The following CAST variants were observed in gnomAD, a reference collection of about 807,000 sequenced individuals.
CAST encodes the protein MIR583 host.
A neutral mutation model predicts 119.6 loss-of-function variants in CAST; 76 were observed. The observed-to-expected ratio is 0.64, with a 90% confidence interval of 0.53 to 0.77. The LOEUF is 0.77. CAST is among the 30% of genes least tolerant of loss of function. The pLI is 0.00. For synonymous variants in CAST, 319 were observed against 331.6 expected, an observed-to-expected ratio of 0.96 and a Z score of 0.41; for missense variants, 953 against 946.5, an observed-to-expected ratio of 1.01 and a Z score of -0.09.
At chr5:96,769,491 GGTTTACAACATGGTA>G (rs1771439778) in intron 29 of CAST, 1 of 151,074 alleles carries the variant, frequency 6.6e-6, no homozygotes, top group Non-Finnish European at 1.5e-5. Flanking sequence ...GTATATTTGA[GGTTTACAACATGGTA>G]GTTTGGGATG....
chr5:96,503,761 G>T, the CAST span, among the ~76,000 whole-genome samples: 12 of 152,278 alleles, frequency 7.9e-5, no homozygotes, highest in East Asian at 3.9e-4. Context: ...CAGGGCTCAC[G>T]CCTTCCCCTC....
chr5:95,991,409 G>T, the CAST span, among the ~76,000 whole-genome samples: 2 of 151,578 alleles, frequency 1.3e-5, no homozygotes, highest in East Asian at 3.9e-4. Context: ...TTTTTTCCAG[G>T]CTAGTTAATG....
the CAST span, among the ~76,000 whole-genome samples, chr5:96,219,797 GAAAGA>G: frequency 6.6e-6 from 1 of 150,596 alleles, no homozygotes; most frequent in South Asian, 2.1e-4. Flanking sequence ...AGGAAGGAGA[GAAAGA>G]AAAGAAAAAA....
chr5:96,737,821 A>AT (rs1310884632), intron 10 of CAST, 28 bp from the exon 11 acceptor site: 1 of 1,286,250 alleles, frequency 7.8e-7, no homozygotes, highest in African/African-American at 1.5e-5. Flanking sequence ...AACAAATAAC[A>AT]TTTAAATATC....
At chr5:96,425,229 C>A in the CAST span, among the ~76,000 whole-genome samples, 3 of 152,188 alleles carry the variant, frequency 2.0e-5, no homozygotes, top group African/African-American at 7.2e-5. Context: ...ACAGACGTAA[C>A]ATTAAACAGA....
chr5:96,489,403 G>C, the CAST span, among the ~76,000 whole-genome samples: 1 of 121,900 alleles, frequency 8.2e-6, no homozygotes, highest in Non-Finnish European at 1.9e-5. Context: ...AGAGAGTGAT[G>C]TCCTCATTGA....
chr5:96,710,815 A>G (rs1300102412), intron 3 of CAST, among the ~76,000 whole-genome samples: 1 of 152,116 alleles, frequency 6.6e-6, no homozygotes, highest in Non-Finnish European at 1.5e-5. Flanking sequence ...GTTTTTAATC[A>G]ATTAGTTAAT....
At chr5:96,260,247 C>G in the CAST span, among the ~76,000 whole-genome samples, 2 of 152,104 alleles carry the variant, frequency 1.3e-5, no homozygotes, top group African/African-American at 2.4e-5. Flanking sequence ...TCAGAACTAG[C>G]GAAAATCTCT....
In CAST at chr5:96,763,343, C is replaced by CGT. The variant is rs537007209; in HGVS notation, c.1932+980_1932+981dup. On this transcript the variant is annotated intron_variant, in intron 25 of 31. Transcript: ENST00000675179. ...AGCACTTAAAACCAGTAAAATGCCC[C>CGT]GTGTGTGTGTATGTGCATGTGCATG... is the stretch of plus-strand genomic sequence containing the variant. The CGT allele has an allele frequency of 1.9e-4, 141 of 751,442 alleles. No individual in the cohort carries two copies. In the East Asian group the frequency reaches 3.0e-3, roughly 16 times the overall value. 46.5% of individuals were successfully genotyped at this position (751,442 alleles called of 1,614,324 possible). A position where few individuals can be genotyped will look rare whatever the true frequency, so the allele number is the denominator to read the frequency against.
At chr5:96,746,261 C>T (rs1581240066) in intron 16 of CAST, 81 bp from the exon 17 acceptor site, 1 of 827,776 alleles carries the variant, frequency 1.2e-6, no homozygotes, top group Non-Finnish European at 2.1e-6. Context: ...CTATAACACT[C>T]GAGAAGTACA....
chr5:96,660,117 T>C (rs1274199800), upstream of CAST, among the ~76,000 whole-genome samples: 1 of 152,220 alleles, frequency 6.6e-6, no homozygotes, highest in Non-Finnish European at 1.5e-5. Flanking sequence ...GGTGAATAGA[T>C]TGATTACTTA....
At chr5:96,131,478 C>T in the CAST span, among the ~76,000 whole-genome samples, 1 of 151,842 alleles carries the variant, frequency 6.6e-6, no homozygotes, top group Admixed American at 6.6e-5. Context: ...AAACCTCAAG[C>T]ATGATTGCCG....
At chr5:96,311,021 T>C in the CAST span, among the ~76,000 whole-genome samples, 2 of 152,036 alleles carry the variant, frequency 1.3e-5, no homozygotes, top group Admixed American at 6.5e-5. Flanking sequence ...CACAACATTG[T>C]TGTTTTTTTG....
chr5:96,446,097 A>G, the CAST span, among the ~76,000 whole-genome samples: 1 of 151,892 alleles, frequency 6.6e-6, no homozygotes, highest in South Asian at 2.1e-4. Context: ...TCAGACTTCC[A>G]AATGATATAG....
At chr5:96,455,363 AGC>A in the CAST span, among the ~76,000 whole-genome samples, 1 of 152,272 alleles carries the variant, frequency 6.6e-6, no homozygotes, top group Non-Finnish European at 1.5e-5. Flanking sequence ...ATCATAAATA[AGC>A]AGAGTGACCA....
chr5:96,155,438 G>A, the CAST span, among the ~76,000 whole-genome samples: 1 of 152,144 alleles, frequency 6.6e-6, no homozygotes, highest in Non-Finnish European at 1.5e-5. Context: ...ATACAGTGAT[G>A]GCCAAGTTGA....
chr5:96,613,564 A>AGTGAT (rs1747400806), intron 1 of CAST, among the ~76,000 whole-genome samples: 1 of 152,226 alleles, frequency 6.6e-6, no homozygotes, highest in Admixed American at 6.5e-5. Flanking sequence ...ATCAGTAGTC[A>AGTGAT]GTGATGGGGA....
intron 1 of CAST, among the ~76,000 whole-genome samples, chr5:96,566,536 G>A (rs1176592299): frequency 1.3e-5 from 2 of 152,214 alleles, no homozygotes; most frequent in African/African-American, 4.8e-5. Flanking sequence ...CTGCAAAGAT[G>A]GAGGGGACCT....
At chr5:96,218,509 C>G in the CAST span, among the ~76,000 whole-genome samples, 4 of 152,120 alleles carry the variant, frequency 2.6e-5, no homozygotes, top group African/African-American at 9.7e-5. Context: ...GTCTTCTCTT[C>G]CACCTTCCCT....
Sources: gnomAD v4.1 joint callset for allele counts (sites outside exome capture counted in the v4.1 genomes callset) on GRCh38, gnomAD v4.1.1 for gene constraint, MANE v1.5 for transcripts, NCBI Gene and HGNC (gene_info 2026-07-23, HGNC 2026-07-21) for gene names.